Variants in SULF1 observed in about 807,000 individuals in gnomAD.
SULF1 encodes the protein extracellular sulfatase Sulf-1.
SULF1 carries 46 observed loss-of-function variants against 110.5 expected under a neutral mutation model. That is an observed-to-expected ratio of 0.42 (90% confidence interval 0.33 to 0.53). SULF1 has a LOEUF of 0.53. SULF1 is among the 20% of genes least tolerant of loss of function. The pLI, the probability that SULF1 is intolerant of heterozygous loss-of-function variation, is 0.12. For missense variants in SULF1, 941 were observed against 1,094.2 expected, an observed-to-expected ratio of 0.86 and a Z score of 1.98; for synonymous variants, 371 against 387.1, an observed-to-expected ratio of 0.96 and a Z score of 0.49.
intron 3 of SULF1, among the ~76,000 whole-genome samples, chr8:69,519,419 G>A (rs2150607918): frequency 6.6e-6 from 1 of 152,110 alleles, no homozygotes; most frequent in East Asian, 1.9e-4. Context: ...AAGTGCTTCT[G>A]TAACATGTGG....
chr8:69,623,849 C>A, intron 14 of SULF1, 93 bp from the exon 15 acceptor site: 1 of 1,452,018 alleles, frequency 6.9e-7, no homozygotes, highest in South Asian at 1.4e-5. Context: ...CTGCTTTCTC[C>A]ACTCCAGGAT....
rs1295702506 is a variant in SULF1, at chr8:69,501,868, T to C, written c.-228-6T>C. On this transcript the variant is annotated splice_region_variant and splice_polypyrimidine_tract_variant and intron_variant, in intron 2 of 22. Transcript: ENST00000402687. ...CTGATGGCAATTTTGCTCTTTTCCA[T>C]CGTAGGTGCTGACGGCCACCCACCA... is the stretch of plus-strand genomic sequence containing the variant. 1 of 152,208 alleles carries C rather than the reference T, an allele frequency of 6.6e-6. No individual in the cohort carries two copies. The highest frequency in any genetic ancestry group is 6.5e-5 in the Admixed American group (1 of 15,280). The allele number at this position is 152,208 out of a possible 1,614,324, so 9.4% of individuals were successfully genotyped here.
rs149072058 is a variant in SULF1 at position 69,520,031 on chromosome 8, C to T, written c.-134+18063C>T. Among the ~76,000 whole-genome samples the T allele has an allele frequency of 3.2e-4, 49 of 151,874 alleles. No homozygotes were observed. In the East Asian group the frequency reaches 8.9e-3, roughly 28 times the overall value. On this transcript the variant is annotated intron_variant, in intron 3 of 22. Transcript: ENST00000402687. ...AGGATGAAGTCTTAAAAATCTATGA[C>T]GCTTAAAATCTGCGGATATGGGCAC...
intron 2 of SULF1, 120 bp downstream of exon 2, chr8:69,496,046 G>A (rs1810326514): frequency 6.6e-6 from 1 of 152,250 alleles, no homozygotes; most frequent in South Asian, 2.1e-4. Context: ...CTTGAGGTCT[G>A]ATTACTTGAT....
intron 1 of SULF1, chr8:69,467,175 T>A (rs1295434394): frequency 1.3e-5 from 2 of 152,164 alleles, no homozygotes; most frequent in African/African-American, 4.8e-5. Context: ...GAAAATACCT[T>A]TGGGAGCCGC....
At chr8:69,537,903 A>T (rs1813533567) in intron 3 of SULF1, among the ~76,000 whole-genome samples, 1 of 139,274 alleles carries the variant, frequency 7.2e-6, no homozygotes, top group Non-Finnish European at 1.5e-5. Context: ...ACAGAAAAAT[A>T]AAAATAGAAT....
chr8:69,506,236 A>ACACC (rs34786744), intron 3 of SULF1, among the ~76,000 whole-genome samples: 1 of 30,778 alleles, frequency 3.2e-5, no homozygotes, highest in African/African-American at 1.5e-4. Flanking sequence ...CACTAAACAT[A>ACACC]CACACACACA....
At chr8:69,560,212 G>A (rs1047411908) in intron 3 of SULF1, among the ~76,000 whole-genome samples, 1 of 152,242 alleles carries the variant, frequency 6.6e-6, no homozygotes, top group African/African-American at 2.4e-5. Flanking sequence ...GCCAAAGTGG[G>A]GATTGGGGAA....
At chr8:69,500,021 G>C (rs1245939521) in intron 2 of SULF1, among the ~76,000 whole-genome samples, 1 of 151,922 alleles carries the variant, frequency 6.6e-6, no homozygotes. Context: ...CAAAGTGCTG[G>C]GATTATAGGC....
intron 1 of SULF1, among the ~76,000 whole-genome samples, chr8:69,469,580 A>C (rs1328049376): frequency 2.0e-5 from 3 of 152,210 alleles, no homozygotes; most frequent in Admixed American, 2.0e-4. Flanking sequence ...TTTCCTTCTA[A>C]GAAAATGTAA....
chr8:69,509,080 T>G (rs1427873649), intron 3 of SULF1, among the ~76,000 whole-genome samples: 1 of 152,182 alleles, frequency 6.6e-6, no homozygotes, highest in Non-Finnish European at 1.5e-5. Flanking sequence ...TAGGATGTGG[T>G]AAAGACCAAG....
intron 16 of SULF1, 129 bp downstream of exon 16, chr8:69,627,435 A>AG (rs1810176363): frequency 7.2e-6 from 5 of 689,660 alleles, no homozygotes; most frequent in African/African-American, 3.6e-5. Context: ...ACAAAAAAAA[A>AG]AAGTTATTTG....
At chr8:69,521,807 A>G (rs1325001329) in intron 3 of SULF1, among the ~76,000 whole-genome samples, 2 of 151,630 alleles carry the variant, frequency 1.3e-5, no homozygotes, top group African/African-American at 4.8e-5. Flanking sequence ...GGCTCTATCT[A>G]TCATGTTGTG....
chr8:69,485,129 A>G (rs933624741), intron 1 of SULF1, among the ~76,000 whole-genome samples: 10 of 152,168 alleles, frequency 6.6e-5, no homozygotes, highest in Non-Finnish European at 1.0e-4. Context: ...TCCTTCTTCT[A>G]ACCCGTGCTT....
In SULF1 at chr8:69,603,650, A is replaced by T. The variant is rs1357177695; in HGVS notation, c.1241A>T (p.Glu414Val). The T allele has an allele frequency of 3.7e-6, 6 of 1,612,248 alleles. No homozygotes were observed. The highest frequency in any genetic ancestry group is 5.1e-6 in the Non-Finnish European group (6 of 1,178,388). ...ATTTGGCGTGATACATTCCTAGTGG[A>T]AAGAGGGTAATTATTGGTTCCTGGG... ...AKIWRDTFLV[E>V]RGKFLRKKEE... Residue 414 changes from glutamate (E) to valine (V), a missense_variant, in exon 12 of 23, where the codon GAA (glutamate) becomes GTA (valine). Physicochemically the swap from Glu to Val is moderately radical, Grantham distance 121 (BLOSUM62 -2). This residue lies in a region of SULF1 where 822 missense variants were observed against 934.3 expected (regional missense o/e 0.88). Transcript: ENST00000402687.
At chr8:69,603,775 C>A in intron 12 of SULF1, 119 bp downstream of exon 12, 3 of 728,374 alleles carry the variant, frequency 4.1e-6, no homozygotes, top group South Asian at 1.6e-5. Context: ...TAAACCTAGT[C>A]ACAAGATTGA....
intron 3 of SULF1, among the ~76,000 whole-genome samples, chr8:69,506,785 A>G (rs1811227309): frequency 6.6e-6 from 1 of 152,208 alleles, no homozygotes; most frequent in South Asian, 2.1e-4. Flanking sequence ...CTGGCAAGGA[A>G]AGGAGTTTAA....
chr8:69,562,023 T>C (rs1815519724), intron 3 of SULF1, among the ~76,000 whole-genome samples: 1 of 152,244 alleles, frequency 6.6e-6, no homozygotes, highest in Non-Finnish European at 1.5e-5. Context: ...CATTAGTGAC[T>C]TCTACAGGGC....
intron 3 of SULF1, among the ~76,000 whole-genome samples, chr8:69,544,242 AAAAC>A (rs1341522557): frequency 3.3e-5 from 5 of 152,134 alleles, no homozygotes; most frequent in Non-Finnish European, 1.5e-5. Context: ...ACATTTATAC[AAAAC>A]AAATGTTTTT....
Sources: allele counts gnomAD v4.1 joint callset (sites outside exome capture counted in the v4.1 genomes callset), GRCh38; gene constraint gnomAD v4.1.1; regional missense constraint gnomAD v4.1.1; transcripts MANE v1.5; gene names NCBI Gene and HGNC (gene_info 2026-07-23, HGNC 2026-07-21).